NOP58: variants seen among roughly 807,000 people sequenced by gnomAD.
NOP58 encodes NOP58 ribonucleoprotein.
NOP58 carries 44 observed loss-of-function variants against 71.2 expected under a neutral mutation model. The ratio of observed to expected loss-of-function variants is 0.62; its 90% CI spans 0.49 to 0.79. The LOEUF (loss-of-function observed/expected upper bound fraction) is 0.79, where lower values mean the gene tolerates loss of function less well. NOP58 is among the 30% of genes least tolerant of loss of function. The pLI is 0.00. For synonymous variants in NOP58, 228 were observed against 200.3 expected, an observed-to-expected ratio of 1.14 and a Z score of -1.17; for missense variants, 538 against 620.2, an observed-to-expected ratio of 0.87 and a Z score of 1.41.
At position 202,291,142 on chromosome 2, in the gene NOP58, G is replaced by T. The variant is rs749084060; in HGVS notation, c.652G>T (p.Ala218Ser). Reference sequence around the variant, plus strand: ...TTCCATAGGCGATAGGAAGAACTATGCCTCTGCCAAGCTTTCTGAGTTGCT... The same window carrying T: ...TTCCATAGGCGATAGGAAGAACTATTCCTCTGCCAAGCTTTCTGAGTTGCT... ...LQKVGDRKNY[A>S]SAKLSELLPE... is the part of the protein sequence containing the mutation. Residue 218 changes from alanine to serine, a missense_variant, in exon 8 of 15, where the codon GCC becomes TCC. Transcript: ENST00000264279. 2.5e-6 allele frequency: 4 copies of T among 1,609,772 alleles called. No homozygotes were observed. Among genetic ancestry groups the T allele is most frequent in the Admixed American group, 3.4e-5 (2 of 58,542 alleles).
At chr2:202,290,780 C>T (rs895495544) in intron 7 of NOP58, among the ~76,000 whole-genome samples, 4 of 151,756 alleles carry the variant, frequency 2.6e-5, no homozygotes, top group African/African-American at 9.7e-5. Context: ...ACTTGCCTTA[C>T]GAATTACTGG....
At chr2:202,280,913 T>C (rs1042959860) in intron 3 of NOP58, among the ~76,000 whole-genome samples, 2 of 151,360 alleles carry the variant, frequency 1.3e-5, no homozygotes, top group African/African-American at 4.9e-5. Flanking sequence ...TTAGCAGAGA[T>C]GGGGTTTCAC....
At position 202,277,738 on chromosome 2, in the gene NOP58, C is replaced by A. The variant is rs187461362; in HGVS notation, c.123-212C>A. Among the ~76,000 whole-genome samples the A allele has an allele frequency of 1.1e-4, 17 of 152,252 alleles. No homozygotes were observed. The East Asian group carries it at 2.7e-3, about 24-fold the overall frequency. ...AATTTCCTCCAAAGCCTACAACTTT[C>A]TTTTAATAATCCAAGCATTACTAGC... On this transcript the variant is annotated intron_variant, in intron 2 of 14. Coordinates refer to ENST00000264279, the MANE Select transcript of NOP58 (RefSeq NM_015934.5).
intron 1 of NOP58, among the ~76,000 whole-genome samples, chr2:202,273,302 AC>A (rs1435531939): frequency 6.6e-6 from 1 of 152,240 alleles, no homozygotes; most frequent in Non-Finnish European, 1.5e-5. Context: ...CCCAACTGCA[AC>A]ATCTTGAAGA....
At chr2:202,297,580 ATTAAC>A in intron 11 of NOP58, 67 bp downstream of exon 11, 1 of 1,481,884 alleles carries the variant, frequency 6.7e-7, no homozygotes, top group African/African-American at 1.4e-5. Flanking sequence ...GAGTAAATTT[ATTAAC>A]TTCATCTGCT....
chr2:202,277,025 C>T (rs1462047708), intron 2 of NOP58, among the ~76,000 whole-genome samples: 2 of 152,120 alleles, frequency 1.3e-5, no homozygotes, highest in East Asian at 1.9e-4. Context: ...CGGTGGCTCA[C>T]GCCTGTAATC....
At chr2:202,292,615 G>GA (rs1284319584) in intron 8 of NOP58, among the ~76,000 whole-genome samples, 162 bp from the exon 9 acceptor site, 97 of 143,842 alleles carry the variant, frequency 6.7e-4, no homozygotes, top group East Asian at 5.5e-3. Flanking sequence ...TCCAGCCTGG[G>GA]AAAAAAAAAA....
At chr2:202,270,989 C>G (rs1218475860) in intron 1 of NOP58, among the ~76,000 whole-genome samples, 2 of 151,888 alleles carry the variant, frequency 1.3e-5, no homozygotes, top group African/African-American at 4.8e-5. Flanking sequence ...CCAGCTGAGG[C>G]AGGAGGATCG....
At chr2:202,284,838 A>G (rs544600381) in intron 5 of NOP58, 11 of 187,518 alleles carry the variant, frequency 5.9e-5, no homozygotes, top group East Asian at 4.2e-4. Flanking sequence ...TATTCCCCCA[A>G]ATTCTCTCAT....
At chr2:202,292,368 T>C (rs1688917541) in intron 8 of NOP58, among the ~76,000 whole-genome samples, 1 of 151,970 alleles carries the variant, frequency 6.6e-6, no homozygotes, top group African/African-American at 2.4e-5. Context: ...ACATACATTA[T>C]ATAACGAAGT....
At chr2:202,292,720 A>AT (rs1429090820) in intron 8 of NOP58, 57 bp from the exon 9 acceptor site, 23 of 1,463,218 alleles carry the variant, frequency 1.6e-5, no homozygotes, top group Admixed American at 6.7e-5. Context: ...TTAGACAGGA[A>AT]TTTTTACTGT....
intron 9 of NOP58, 106 bp downstream of exon 9, chr2:202,293,009 A>G (rs762210770): frequency 8.6e-7 from 1 of 1,168,336 alleles, no homozygotes; most frequent in Non-Finnish European, 1.3e-6. Context: ...TTTAGCTGAT[A>G]ACACAAAAGT....
At position 202,297,809 on chromosome 2, in the gene NOP58, TAGA is replaced by T. The variant is rs777624500; in HGVS notation, c.1207-33_1207-31del. 11 of 1,208,150 alleles carry T rather than the reference TAGA, an allele frequency of 9.1e-6. No individual in the cohort carries two copies. In the South Asian group the frequency reaches 1.5e-4, roughly 17 times the overall value. 74.8% of individuals were successfully genotyped at this position (1,208,150 alleles called of 1,614,324 possible). On this transcript the variant is annotated intron_variant, in intron 11 of 14. Coordinates refer to ENST00000264279, the MANE Select transcript of NOP58 (RefSeq NM_015934.5). Reference sequence around the variant, plus strand: ...AGTGTATTATAAAGAGATTATGACTTAGAAGTGTATTTGTAATTTTTCGTTTTC... The same window carrying T: ...AGTGTATTATAAAGAGATTATGACTTAGTGTATTTGTAATTTTTCGTTTTC...
rs193117120 is a variant in NOP58, at chr2:202,273,875, G to A, written c.46-1238G>A. The stretch of plus-strand genomic sequence containing the variant: ...GGAGAATCGCTTGAACCCGGGAGGC[G>A]GAGGCTGCAGTGTGCCGAGATTGCG... On this transcript the variant is annotated intron_variant, in intron 1 of 14. Coordinates refer to ENST00000264279, the MANE Select transcript of NOP58 (RefSeq NM_015934.5). Among the ~76,000 whole-genome samples, 568 of 151,840 alleles carry A rather than the reference G, an allele frequency of 3.7e-3. 3 individuals are homozygous for A. Among genetic ancestry groups the A allele is most frequent in the Non-Finnish European group, 6.6e-3 (446 of 67,930 alleles).
At position 202,278,006 on chromosome 2, in the gene NOP58, A is replaced by T. The variant is rs558145606; in HGVS notation, c.175+4A>T. On this transcript the variant is annotated splice_donor_region_variant and intron_variant, in intron 3 of 14. Coordinates refer to ENST00000264279, the MANE Select transcript of NOP58 (RefSeq NM_015934.5). ...GATACAGCAGAAGCATTAGCAGGTA[A>T]AGTAAAAAATTAGAAGCTTGCTTTT... 1.9e-6 allele frequency: 3 copies of T among 1,539,742 alleles called. No individual in the cohort carries two copies. Among genetic ancestry groups the T allele is most frequent in the Admixed American group, 1.8e-5 (1 of 56,730 alleles).
intron 5 of NOP58, among the ~76,000 whole-genome samples, chr2:202,287,412 C>G (rs533292566): frequency 6.6e-6 from 1 of 151,874 alleles, no homozygotes; most frequent in Non-Finnish European, 1.5e-5. Flanking sequence ...GTCATTCATA[C>G]ATAAACTCAT....
chr2:202,275,411 A>G, intron 2 of NOP58: 1 of 436,978 alleles, frequency 2.3e-6, no homozygotes, highest in Admixed American at 4.1e-5. Context: ...ACCCACAGGG[A>G]TTATGTTCCA....
At chr2:202,292,739 A>G in intron 8 of NOP58, 38 bp from the exon 9 acceptor site, 1 of 1,552,678 alleles carries the variant, frequency 6.4e-7, no homozygotes, top group Non-Finnish European at 8.9e-7. Flanking sequence ...GTTTTTACTC[A>G]TATGATATTT....
intron 5 of NOP58, 184 bp downstream of exon 5, chr2:202,284,665 A>G (rs919697758): frequency 1.9e-5 from 11 of 580,106 alleles, no homozygotes; most frequent in Non-Finnish European, 2.6e-5. Flanking sequence ...GTAAGTGGTA[A>G]AGCCAGGATT....
Sources: gnomAD v4.1 joint callset for allele counts (sites outside exome capture counted in the v4.1 genomes callset) on GRCh38, gnomAD v4.1.1 for gene constraint, MANE v1.5 for transcripts, NCBI Gene and HGNC (gene_info 2026-07-23, HGNC 2026-07-21) for gene names.